Variants in EXT1 observed in about 807,000 individuals in gnomAD.
EXT1 encodes the protein exostosin glycosyltransferase 1.
Under a neutral mutation model 82.5 loss-of-function variants are expected in EXT1, and 20 were observed. That is an observed-to-expected ratio of 0.24 (90% confidence interval 0.17 to 0.35). EXT1 has a LOEUF of 0.35. Among genes scored for constraint, EXT1 ranks in the 10% least tolerant of loss-of-function variants. EXT1 has a pLI of 1.00. For synonymous variants in EXT1, 348 were observed against 350.8 expected (o/e 0.99, Z 0.09); for missense variants, 757 against 936.5 (o/e 0.81, Z 2.50).
chr8:117,963,021 G>A (rs1221173517), intron 1 of EXT1, among the ~76,000 whole-genome samples: 4 of 152,098 alleles, frequency 2.6e-5, no homozygotes, highest in African/African-American at 9.7e-5. Flanking sequence ...TGACAAATCT[G>A]GAGAGTCTTT....
chr8:117,812,714 C>T (rs1424491470), intron 8 of EXT1, among the ~76,000 whole-genome samples, 158 bp downstream of exon 8: 1 of 152,186 alleles, frequency 6.6e-6, no homozygotes, highest in Non-Finnish European at 1.5e-5. Flanking sequence ...CAGCAAGGTG[C>T]TAACAGGAAT....
chr8:117,977,631 A>G (rs1420571272), intron 1 of EXT1, among the ~76,000 whole-genome samples: 1 of 152,140 alleles, frequency 6.6e-6, no homozygotes, highest in African/African-American at 2.4e-5. Context: ...TAATATAGAC[A>G]CTAGACAGGG....
chr8:117,852,701 CA>C (rs1270226503), intron 1 of EXT1, among the ~76,000 whole-genome samples: 1 of 152,258 alleles, frequency 6.6e-6, no homozygotes, highest in East Asian at 1.9e-4. Flanking sequence ...AGACATAAAA[CA>C]AATACTGCAG....
chr8:117,807,473 G>A (rs922770789), intron 8 of EXT1, 96 bp from the exon 9 acceptor site: 86 of 1,382,880 alleles, frequency 6.2e-5, no homozygotes, highest in Admixed American at 2.8e-4. Flanking sequence ...TGCAAAATCC[G>A]GGGACTGTGG....
At chr8:117,973,541 G>T (rs181180019) in intron 1 of EXT1, among the ~76,000 whole-genome samples, 1 of 152,028 alleles carries the variant, frequency 6.6e-6, no homozygotes, top group African/African-American at 2.4e-5. Flanking sequence ...GGCTGAAGTG[G>T]GAGGACTGCA....
chr8:117,825,410 G>A (rs999601454), intron 4 of EXT1, among the ~76,000 whole-genome samples: 2 of 152,098 alleles, frequency 1.3e-5, no homozygotes, highest in African/African-American at 2.4e-5. Context: ...CTTTATTGTG[G>A]TGGAAGAAGA....
intron 1 of EXT1, among the ~76,000 whole-genome samples, chr8:117,979,950 T>C (rs1263008547): frequency 6.6e-6 from 1 of 152,232 alleles, no homozygotes; most frequent in South Asian, 2.1e-4. Context: ...GTAGGTGTTA[T>C]CAATGATGAA....
rs956482484 is a variant in EXT1, at chr8:117,795,804, GA to G, written c.*3907del. The G allele has an allele frequency of 4.8e-5, 7 of 145,726 alleles. No individual in the cohort carries two copies. Among genetic ancestry groups the G allele is most frequent in the East Asian group, 2.0e-4 (1 of 5,002 alleles). 9.0% of individuals were successfully genotyped at this position (145,726 alleles called of 1,614,324 possible). ...TGACAGGGCAAGACTCTGTCTCAAAGAAAAAAAAAAGACTTGGTGTCAAAGG... is the reference window on the plus strand; with the variant it reads ...TGACAGGGCAAGACTCTGTCTCAAAGAAAAAAAAAGACTTGGTGTCAAAGG... On this transcript the variant is annotated 3_prime_UTR_variant, in exon 11 of 11. Coordinates refer to ENST00000378204, the MANE Select transcript of EXT1 (RefSeq NM_000127.3).
chr8:118,045,789 G>A (rs1816613069), intron 1 of EXT1, among the ~76,000 whole-genome samples: 1 of 149,866 alleles, frequency 6.7e-6, no homozygotes, highest in Non-Finnish European at 1.5e-5. Flanking sequence ...TGGACTGGAT[G>A]TCTTTTTTTT....
intron 2 of EXT1, 78 bp from the exon 3 acceptor site, chr8:117,835,629 A>T (rs973001578): frequency 9.3e-7 from 1 of 1,070,274 alleles, no homozygotes; most frequent in African/African-American, 1.5e-5. Context: ...AAATCAGTAC[A>T]AACTCAATGA....
intron 1 of EXT1, among the ~76,000 whole-genome samples, chr8:117,857,104 C>T (rs1812577760): frequency 6.6e-6 from 1 of 152,200 alleles, no homozygotes; most frequent in African/African-American, 2.4e-5. Flanking sequence ...TTTAAGCCTA[C>T]CGTTGAGACC....
chr8:117,973,291 GCTAGTGGAAA>G (rs1814978476), intron 1 of EXT1, among the ~76,000 whole-genome samples: 1 of 152,160 alleles, frequency 6.6e-6, no homozygotes, highest in South Asian at 2.1e-4. Context: ...CACTGTAACT[GCTAGTGGAAA>G]CCCTCTTGGT....
At position 117,811,631 on chromosome 8, in the gene EXT1, T is replaced by A. The variant is rs187682865; in HGVS notation, c.1722+1241A>T. On this transcript the variant is annotated intron_variant, in intron 8 of 10. Coordinates refer to ENST00000378204, the MANE Select transcript of EXT1 (RefSeq NM_000127.3). ...AGCATCTATGGAATTTTTTTTTTTT[T>A]TTTGAGATGGAGTCTCGCTCTGTCA... is the stretch of plus-strand genomic sequence containing the variant. 3.8e-3 allele frequency among the ~76,000 whole-genome samples: 584 copies of A among 151,978 alleles called. 6 individuals carry two copies. The highest frequency in any genetic ancestry group is 0.013 in the African/African-American group (552 of 41,432).
intron 1 of EXT1, among the ~76,000 whole-genome samples, chr8:117,927,998 TG>T (rs1434862780): frequency 2.0e-5 from 3 of 152,236 alleles, no homozygotes; most frequent in African/African-American, 7.2e-5. Context: ...GAATAGTGAA[TG>T]TTATTTGTCC....
intron 1 of EXT1, among the ~76,000 whole-genome samples, chr8:118,055,785 C>T (rs543241447): frequency 2.0e-4 from 31 of 152,240 alleles, no homozygotes; most frequent in South Asian, 6.2e-4. Context: ...CAGTGTGTGG[C>T]GAGTGCTTAA....
At chr8:118,107,148 T>C (rs1817815339) in intron 1 of EXT1, among the ~76,000 whole-genome samples, 1 of 152,108 alleles carries the variant, frequency 6.6e-6, no homozygotes, top group Non-Finnish European at 1.5e-5. Flanking sequence ...GTTGAAACAT[T>C]TGTATATACT....
In EXT1 at chr8:117,812,916, C is replaced by T. The variant is rs754680491; in HGVS notation, c.1678G>A (p.Ala560Thr). ...GTGTCCTCGTCAAGGCTGAGCACGG[C>T]GTCTGTGATGATGTTGTCGTAGGGC... ...FLPYDNIITD[A>T]VLSLDEDTVL... Residue 560 changes from alanine (A) to threonine (T), a missense_variant, in exon 8 of 11, where the codon GCC (alanine) becomes ACC (threonine). By Grantham distance (58) the Ala-to-Thr change is moderately conservative. This residue lies in a region of EXT1 where 207 missense variants were observed against 224.2 expected (regional missense o/e 0.92). Transcript: ENST00000378204. 6 of 1,613,926 alleles carry T rather than the reference C, an allele frequency of 3.7e-6. No individual in the cohort carries two copies. Among genetic ancestry groups the T allele is most frequent in the Non-Finnish European group, 5.1e-6 (6 of 1,179,992 alleles).
At chr8:117,944,140 GC>G (rs1392103963) in intron 1 of EXT1, among the ~76,000 whole-genome samples, 1 of 152,174 alleles carries the variant, frequency 6.6e-6, no homozygotes, top group Non-Finnish European at 1.5e-5. Context: ...GGTAGCTCAT[GC>G]CTGTAATCCC....
chr8:117,980,694 GGTGGTTTTTTTTTT>G (rs1431495116), intron 1 of EXT1, among the ~76,000 whole-genome samples: 1 of 123,392 alleles, frequency 8.1e-6, no homozygotes, highest in African/African-American at 2.8e-5. Context: ...TTCGGGTGTT[GGTGGTTTTTTTTTT>G]TTTTTTTTTT....
Sources: gnomAD v4.1 joint callset for allele counts (sites outside exome capture counted in the v4.1 genomes callset) on GRCh38, gnomAD v4.1.1 for gene constraint, gnomAD v4.1.1 regional missense constraint, MANE v1.5 for transcripts, NCBI Gene and HGNC (gene_info 2026-07-23, HGNC 2026-07-21) for gene names.